The following USP40 variants were observed in gnomAD, a reference collection of about 807,000 sequenced individuals.
USP40 encodes the protein ubiquitin carboxyl-terminal hydrolase 40.
A neutral mutation model predicts 166.2 loss-of-function variants in USP40; 143 were observed. The ratio of observed to expected loss-of-function variants is 0.86; its 90% CI spans 0.75 to 0.99. USP40 has a LOEUF of 0.99. USP40 is among the 50% of genes least tolerant of loss of function. The pLI, the probability that USP40 is intolerant of heterozygous loss-of-function variation, is 0.00. For synonymous variants in USP40, 498 were observed against 524.0 expected (o/e 0.95, Z 0.68); for missense variants, 1,444 against 1,479.7 (o/e 0.98, Z 0.40).
At chr2:233,504,086 ATAG>A (rs1181040903) in intron 21 of USP40, among the ~76,000 whole-genome samples, 1 of 152,132 alleles carries the variant, frequency 6.6e-6, no homozygotes, top group Admixed American at 6.5e-5. Flanking sequence ...ACAGCTTAAA[ATAG>A]TCTATTATAA....
At chr2:233,501,993 A>G (rs967650692) in intron 21 of USP40, among the ~76,000 whole-genome samples, 2 of 152,208 alleles carry the variant, frequency 1.3e-5, no homozygotes, top group African/African-American at 4.8e-5. Context: ...GCCCAGTGAC[A>G]AAAGTGTTTC....
intron 10 of USP40, among the ~76,000 whole-genome samples, chr2:233,540,152 CA>C (rs377598747): frequency 2.1e-5 from 3 of 145,758 alleles, no homozygotes; most frequent in South Asian, 2.2e-4. Flanking sequence ...AAAAACAAAC[CA>C]AAAAAAAACT....
chr2:233,499,831 A>C, intron 22 of USP40, 48 bp downstream of exon 22: 1 of 1,565,918 alleles, frequency 6.4e-7, no homozygotes, highest in Admixed American at 2.0e-5. Context: ...AGTCAAAAAA[A>C]TTTTTATTAG....
intron 22 of USP40, 55 bp from the exon 23 acceptor site, chr2:233,498,667 C>G (rs1447988802): frequency 2.1e-6 from 3 of 1,442,762 alleles, no homozygotes; most frequent in Non-Finnish European, 2.9e-6. Flanking sequence ...TGAGACGTTG[C>G]GTGTAACTTC....
intron 22 of USP40, 29 bp downstream of exon 22, chr2:233,499,850 G>T: frequency 6.3e-7 from 1 of 1,599,844 alleles, no homozygotes; most frequent in Non-Finnish European, 8.5e-7. Context: ...AGGCTTTTAA[G>T]TAATATGTCA....
At chr2:233,494,845 A>C (rs1473006254) in intron 24 of USP40, among the ~76,000 whole-genome samples, 1 of 130,488 alleles carries the variant, frequency 7.7e-6, no homozygotes, top group Non-Finnish European at 1.6e-5. Flanking sequence ...AAAAAAAACC[A>C]AAAAAAAAAC....
At chr2:233,488,051 G>T in intron 28 of USP40, 188 bp downstream of exon 28, 1 of 714,930 alleles carries the variant, frequency 1.4e-6, no homozygotes. Context: ...GTTTTTATGG[G>T]AGAATAAGTC....
chr2:233,479,905 G>A (rs1423298399), intron 31 of USP40, among the ~76,000 whole-genome samples: 1 of 152,120 alleles, frequency 6.6e-6, no homozygotes, highest in Non-Finnish European at 1.5e-5. Flanking sequence ...CCTGGCCCAG[G>A]GGCCGTGCTG....
At chr2:233,547,035 T>C (rs2070012113) in intron 8 of USP40, 1 of 152,154 alleles carries the variant, frequency 6.6e-6, no homozygotes, top group Non-Finnish European at 1.5e-5. Flanking sequence ...TTGTACAGCT[T>C]TCCCAAGCCA....
At chr2:233,521,137 A>G (rs371336622) in intron 16 of USP40, 23 bp from the exon 17 acceptor site, 11 of 1,601,810 alleles carry the variant, frequency 6.9e-6, no homozygotes, top group Non-Finnish European at 8.5e-6. Context: ...AGAAAAGATC[A>G]GAAATTAATA....
intron 7 of USP40, among the ~76,000 whole-genome samples, chr2:233,549,867 A>G (rs1044988836): frequency 6.6e-6 from 1 of 152,124 alleles, no homozygotes; most frequent in African/African-American, 2.4e-5. Flanking sequence ...AACATTTTCT[A>G]TAATTAATAT....
intron 1 of USP40, among the ~76,000 whole-genome samples, chr2:233,565,898 A>T (rs1237424321): frequency 6.6e-6 from 1 of 152,200 alleles, no homozygotes; most frequent in Non-Finnish European, 1.5e-5. Flanking sequence ...CACAATAAGT[A>T]ACAGCTGTTT....
At chr2:233,533,170 A>G (rs1020601189) in intron 11 of USP40, among the ~76,000 whole-genome samples, 1 of 152,196 alleles carries the variant, frequency 6.6e-6, no homozygotes, top group African/African-American at 2.4e-5. Flanking sequence ...AAGTCTGAGC[A>G]TATGGCAATC....
At chr2:233,555,922 G>A (rs1198533676) in intron 5 of USP40, among the ~76,000 whole-genome samples, 2 of 151,784 alleles carry the variant, frequency 1.3e-5, no homozygotes, top group Non-Finnish European at 2.9e-5. Flanking sequence ...AGACCATCCT[G>A]GCTAACATGG....
At chr2:233,559,143 G>A (rs1310414424) in intron 4 of USP40, among the ~76,000 whole-genome samples, 1 of 152,212 alleles carries the variant, frequency 6.6e-6, no homozygotes, top group East Asian at 1.9e-4. Flanking sequence ...TCATCAATAT[G>A]TGCAACAAGC....
At position 233,476,450 on chromosome 2, in the gene USP40, G is replaced by C. The variant is rs1296829830; in HGVS notation, c.*942C>G. On this transcript the variant is annotated 3_prime_UTR_variant, in exon 32 of 32. Transcript: ENST00000678225. Reference sequence around the variant, plus strand: ...ATCCTTTAAGTTGAATAGAAATCTGGGTTGGATTAAGTGGGAAAACCCTTC... The same window carrying C: ...ATCCTTTAAGTTGAATAGAAATCTGCGTTGGATTAAGTGGGAAAACCCTTC... 4 of 152,354 alleles carry C rather than the reference G, an allele frequency of 2.6e-5. No homozygotes were observed. Among genetic ancestry groups the C allele is most frequent in the African/African-American group, 7.2e-5 (3 of 41,452 alleles). 9.4% of individuals were successfully genotyped at this position (152,354 alleles called of 1,614,324 possible).
rs780779778 is a variant in USP40 at position 233,511,835 on chromosome 2, T to C, written c.2438-38A>G. The C allele has an allele frequency of 2.8e-6, 4 of 1,446,832 alleles. No homozygotes were observed. In the African/African-American group the frequency reaches 5.7e-5, roughly 21 times the overall value. The allele number at this position is 1,446,832 out of a possible 1,614,324, so 89.6% of individuals were successfully genotyped here. A position where few individuals can be genotyped will look rare whatever the true frequency, so the allele number is the denominator to read the frequency against. ...TTGATAATATGATGAAGGTTATTAA[T>C]TCCTAGCTCTCTAAGAAAAATAAAT... On this transcript the variant is annotated intron_variant, in intron 19 of 31. Coordinates refer to ENST00000678225, the MANE Select transcript of USP40 (RefSeq NM_001365479.2).
At chr2:233,566,217 G>T (rs907140871) in intron 1 of USP40, among the ~76,000 whole-genome samples, 4 of 152,104 alleles carry the variant, frequency 2.6e-5, no homozygotes, top group African/African-American at 9.7e-5. Flanking sequence ...CAAGCCTAAA[G>T]GCCTTCCAGT....
intron 26 of USP40, among the ~76,000 whole-genome samples, chr2:233,490,415 G>A (rs570927124): frequency 4.3e-4 from 65 of 151,554 alleles, no homozygotes; most frequent in Non-Finnish European, 5.2e-4. Flanking sequence ...CAAGTGATCC[G>A]CCTGCCTCAG....
Sources: allele counts gnomAD v4.1 joint callset (sites outside exome capture counted in the v4.1 genomes callset), GRCh38; gene constraint gnomAD v4.1.1; transcripts MANE v1.5; gene names NCBI Gene and HGNC (gene_info 2026-07-23, HGNC 2026-07-21).